THSD7B: variants seen among roughly 807,000 people sequenced by gnomAD.
The protein encoded by THSD7B is thrombospondin type 1 domain containing 7B, also known as thrombospondin type-1 domain-containing protein 7B.
Under a neutral mutation model 213.6 loss-of-function variants are expected in THSD7B, and 138 were observed. The observed-to-expected ratio is 0.65, with a 90% CI of 0.56 to 0.74. The LOEUF (loss-of-function observed/expected upper bound fraction) is 0.74. THSD7B is among the 30% of genes least tolerant of loss of function. The pLI is 0.00. For missense variants in THSD7B, 1,931 were observed against 1,991.5 expected, an observed-to-expected ratio of 0.97 and a Z score of 0.58; for synonymous variants, 742 against 687.0, an observed-to-expected ratio of 1.08 and a Z score of -1.25.
chr2:136,870,727 G>T (rs1213903859), intron 1 of THSD7B, among the ~76,000 whole-genome samples: 4 of 152,222 alleles, frequency 2.6e-5, no homozygotes, highest in Non-Finnish European at 1.5e-5. Flanking sequence ...AGGCCAGTGT[G>T]TCTGGGGCAC....
intron 1 of THSD7B, among the ~76,000 whole-genome samples, chr2:136,837,779 A>G (rs2104952923): frequency 6.6e-6 from 1 of 152,168 alleles, no homozygotes; most frequent in South Asian, 2.1e-4. Context: ...CCCATCCTCT[A>G]ATTTTCATCT....
At chr2:137,030,298 T>C (rs1213623023) in intron 2 of THSD7B, among the ~76,000 whole-genome samples, 1 of 152,178 alleles carries the variant, frequency 6.6e-6, no homozygotes, top group Non-Finnish European at 1.5e-5. Context: ...GATTTAAAGA[T>C]GGTTTCTTTG....
intron 17 of THSD7B, among the ~76,000 whole-genome samples, chr2:137,577,750 A>T (rs1030705147): frequency 6.6e-6 from 1 of 152,182 alleles, no homozygotes; most frequent in Non-Finnish European, 1.5e-5. Flanking sequence ...AGAGAGAATG[A>T]TTAATGACAA....
Position 137,109,992 on chromosome 2 carries a change from G to A in THSD7B, c.1200-5132G>A, listed in dbSNP as rs1356030075. Among the ~76,000 whole-genome samples the A allele has an allele frequency of 5.3e-5, 8 of 152,078 alleles. No individual in the cohort carries two copies. The East Asian group carries it at 1.5e-3, about 29-fold the overall frequency. On this transcript the variant is annotated intron_variant, in intron 4 of 27. Coordinates refer to ENST00000409968, the MANE Select transcript of THSD7B (RefSeq NM_001316349.2). ...GGTGCTGGGCACTCTGCCTCCCTGG[G>A]GACTTTGGACAGGCTGCCCTTTTCT...
intron 1 of THSD7B, among the ~76,000 whole-genome samples, chr2:136,874,343 TC>T: frequency 6.6e-6 from 1 of 152,304 alleles, no homozygotes; most frequent in African/African-American, 2.4e-5. Context: ...TAGGTCATTG[TC>T]TTGTATACAG....
At chr2:137,202,953 A>G (rs1255890312) in intron 7 of THSD7B, among the ~76,000 whole-genome samples, 1 of 152,148 alleles carries the variant, frequency 6.6e-6, no homozygotes, top group African/African-American at 2.4e-5. Flanking sequence ...AGAGGGATAG[A>G]TAGGTGATAC....
At chr2:136,776,621 T>C (rs954885482) in intron 1 of THSD7B, among the ~76,000 whole-genome samples, 22 of 152,124 alleles carry the variant, frequency 1.4e-4, no homozygotes, top group African/African-American at 5.3e-4. Flanking sequence ...AATTATCCAT[T>C]GATTTGGCAA....
At chr2:137,659,394 T>C (rs2028864) in intron 24 of THSD7B, among the ~76,000 whole-genome samples, 17,386 of 152,166 alleles carry the variant, frequency 0.11, 1,043 homozygotes, top group Middle Eastern at 0.17. Flanking sequence ...ATAGACTTTG[T>C]GCTCAAGCAT....
At chr2:136,818,924 T>C (rs2104936382) in intron 1 of THSD7B, among the ~76,000 whole-genome samples, 1 of 152,350 alleles carries the variant, frequency 6.6e-6, no homozygotes, top group East Asian at 1.9e-4. Context: ...ATGTTCTCAA[T>C]ATCCTAGCAT....
intron 14 of THSD7B, among the ~76,000 whole-genome samples, chr2:137,448,584 C>A (rs1368246744): frequency 6.6e-6 from 1 of 151,892 alleles, no homozygotes; most frequent in African/African-American, 2.4e-5. Context: ...CCGAGGCGGG[C>A]AGATCACGAG....
intron 12 of THSD7B, among the ~76,000 whole-genome samples, chr2:137,343,979 T>G (rs1241474541): frequency 6.6e-6 from 1 of 151,654 alleles, no homozygotes; most frequent in Non-Finnish European, 1.5e-5. Context: ...AAAATAACAT[T>G]CCTTTGTTAT....
intron 2 of THSD7B, among the ~76,000 whole-genome samples, chr2:136,954,499 G>C (rs1685090349): frequency 6.6e-6 from 1 of 152,024 alleles, no homozygotes; most frequent in Admixed American, 6.6e-5. Context: ...GGCGGATCTT[G>C]AGGTCAGGAG....
At chr2:137,527,623 G>C (rs1680302749) in intron 15 of THSD7B, among the ~76,000 whole-genome samples, 1 of 151,964 alleles carries the variant, frequency 6.6e-6, no homozygotes, top group South Asian at 2.1e-4. Context: ...ACATTTGGGT[G>C]GTGTTGACTC....
intron 1 of THSD7B, among the ~76,000 whole-genome samples, chr2:136,787,633 G>A (rs144355336): frequency 4.6e-5 from 7 of 152,170 alleles, no homozygotes; most frequent in African/African-American, 1.7e-4. Flanking sequence ...GTTTTTCTTG[G>A]CAAATATAAA....
At chr2:136,956,482 A>AT (rs11454991) in intron 2 of THSD7B, among the ~76,000 whole-genome samples, 148,485 of 151,032 alleles carry the variant, frequency 0.98, 73,040 homozygotes, top group Non-Finnish European at 1. Flanking sequence ...TCCCTTAAGA[A>AT]TTTTTTTAAA....
chr2:137,332,789 C>T (rs1353891868), intron 12 of THSD7B, among the ~76,000 whole-genome samples: 5 of 152,142 alleles, frequency 3.3e-5, no homozygotes, highest in Middle Eastern at 3.2e-3. Context: ...GGGCTTCTCC[C>T]TTCGCTCAGC....
At chr2:137,632,246 G>T (rs1254461786) in intron 20 of THSD7B, among the ~76,000 whole-genome samples, 1 of 152,144 alleles carries the variant, frequency 6.6e-6, no homozygotes, top group African/African-American at 2.4e-5. Flanking sequence ...GAGAAAATGG[G>T]TCACAGGTTG....
At chr2:137,440,934 A>G (rs978233615) in intron 14 of THSD7B, among the ~76,000 whole-genome samples, 7 of 152,110 alleles carry the variant, frequency 4.6e-5, no homozygotes, top group African/African-American at 1.4e-4. Flanking sequence ...TAAACTGGCA[A>G]TTGCTGATGC....
intron 1 of THSD7B, among the ~76,000 whole-genome samples, chr2:136,856,911 A>C (rs1683188594): frequency 6.6e-6 from 1 of 152,238 alleles, no homozygotes; most frequent in Admixed American, 6.5e-5. Context: ...AAAGAGAATG[A>C]GAGAGAAAGT....
Sources: allele counts gnomAD v4.1 joint callset (sites outside exome capture counted in the v4.1 genomes callset), GRCh38; gene constraint gnomAD v4.1.1; transcripts MANE v1.5; gene names NCBI Gene and HGNC (gene_info 2026-07-23, HGNC 2026-07-21).